PER2: variants seen among roughly 807,000 people sequenced by gnomAD.
The protein encoded by PER2 is period circadian protein homolog 2.
Under a neutral mutation model 121.0 loss-of-function variants are expected in PER2, and 66 were observed. The observed-to-expected ratio is 0.55, with a 90% confidence interval of 0.45 to 0.67. The LOEUF is 0.67. PER2 is among the 30% of genes least tolerant of loss of function. The pLI is 0.00. For synonymous variants in PER2, 684 were observed against 659.9 expected (o/e 1.04, Z -0.56); for missense variants, 1,521 against 1,635.0 (o/e 0.93, Z 1.20).
At position 238,266,646 on chromosome 2, in the gene PER2, CCT is replaced by C. The variant is rs201191862; in HGVS notation, c.968-1058_968-1057del. Among the ~76,000 whole-genome samples, 5 of 152,322 alleles carry C rather than the reference CCT, an allele frequency of 3.3e-5. No individual in the cohort carries two copies. The East Asian group carries it at 9.6e-4, about 29-fold the overall frequency. ...TTGAACTCTAAGTACCCTCTCTAAACCTTACTATTTGGAAAAGAACATTCTGT... is the reference window on the plus strand; with the variant it reads ...TTGAACTCTAAGTACCCTCTCTAAACTACTATTTGGAAAAGAACATTCTGT... On this transcript the variant is annotated intron_variant, in intron 8 of 22. Transcript: ENST00000254657.
rs765414747 is a variant in PER2, at chr2:238,271,495, C to T, written c.589G>A (p.Val197Met). 2.4e-5 allele frequency: 39 copies of T among 1,612,800 alleles called. No individual in the cohort carries two copies. Among genetic ancestry groups the T allele is most frequent in the Middle Eastern group, 1.7e-4 (1 of 6,058 alleles). Residue 197 changes from valine to methionine, a missense_variant, in exon 6 of 23, where the codon GTG (valine) becomes ATG (methionine). Physicochemically the swap from Val to Met is conservative, Grantham distance 21 (BLOSUM62 1). Coordinates refer to ENST00000254657, the MANE Select transcript of PER2 (RefSeq NM_022817.3). ...AGGATCTTCCCAGACACCAGGGACA[C>T]GGCCACCGCAAACATATCCTGAAAA... ...VKNADMFAVA[V>M]SLVSGKILYI...
Position 238,252,324 on chromosome 2 carries a change from C to T in PER2, c.3112-563G>A, listed in dbSNP as rs533994154. Among the ~76,000 whole-genome samples the T allele has an allele frequency of 3.3e-5, 5 of 152,372 alleles. No homozygotes were observed. In the South Asian group the frequency reaches 6.2e-4, roughly 19 times the overall value. On this transcript the variant is annotated intron_variant, in intron 19 of 22. Coordinates refer to ENST00000254657, the MANE Select transcript of PER2 (RefSeq NM_022817.3). The surrounding 1 kb of genome is among the most constrained non-coding windows in gnomAD (Gnocchi z 4.2). ...AGGTCCTCTGGCCAAGGCAGGGAAT[C>T]GCCTGAGGCCTACGGACTGCACTGC...
chr2:238,256,251 G>C lies in PER2; in HGVS notation c.2066-340C>G, dbSNP rs76990116. Among the ~76,000 whole-genome samples the C allele has an allele frequency of 1.1e-3, 160 of 152,270 alleles. 1 individual carries two copies. The East Asian group carries it at 0.03, about 28-fold the overall frequency. On this transcript the variant is annotated intron_variant, in intron 17 of 22. Coordinates refer to ENST00000254657, the MANE Select transcript of PER2 (RefSeq NM_022817.3). ...CCAGAAACTTGGATCAACGTGCTGA[G>C]TCTTTCCGGGTTTGGGACCAGGCAT... is the stretch of plus-strand genomic sequence containing the variant.
chr2:238,297,474 A>G, the PER2 span, among the ~76,000 whole-genome samples: 147,312 of 152,232 alleles, frequency 0.97, 71,303 homozygotes, highest in East Asian at 1. Flanking sequence ...GATTGAAATG[A>G]GATTCCTAAA....
At chr2:238,289,363 C>T (rs1559340248), upstream of PER2, 2 of 152,220 alleles carry the variant, frequency 1.3e-5, no homozygotes, top group African/African-American at 4.8e-5. Context: ...CACCGCCCTG[C>T]AGCAGCTCCG....
intron 5 of PER2, 80 bp downstream of exon 5, chr2:238,272,989 AC>A: frequency 4.4e-6 from 6 of 1,352,402 alleles, no homozygotes; most frequent in African/African-American, 1.4e-5. Context: ...CCTTACAGCC[AC>A]CGGCCGCAGT....
intron 12 of PER2, 69 bp from the exon 13 acceptor site, chr2:238,261,022 A>C (rs1574846914): frequency 1.9e-6 from 3 of 1,569,096 alleles, no homozygotes; most frequent in Non-Finnish European, 2.6e-6. Context: ...GCCCCCTGCC[A>C]ACACACCCTG....
chr2:238,264,360 G>A (rs988195616), intron 9 of PER2, among the ~76,000 whole-genome samples: 8 of 152,208 alleles, frequency 5.3e-5, no homozygotes, highest in African/African-American at 1.2e-4. Flanking sequence ...GCAGCCCCGC[G>A]GACACACCTG....
the PER2 span, chr2:238,295,292 T>TTTCTCCTTCTCC: frequency 2.7e-5 from 4 of 149,482 alleles, no homozygotes; most frequent in Admixed American, 2.0e-4. Flanking sequence ...CTTCTTCTTC[T>TTTCTCCTTCTCC]TTCTCCTTCT....
chr2:238,258,266 G>A lies in PER2; in HGVS notation c.1900+10C>T. 6.2e-7 allele frequency: 1 copy of A among 1,614,046 alleles called. No individual in the cohort carries two copies. The highest frequency in any genetic ancestry group is 8.5e-7 in the Non-Finnish European group (1 of 1,179,892). On this transcript the variant is annotated intron_variant, in intron 16 of 22. Coordinates refer to ENST00000254657, the MANE Select transcript of PER2 (RefSeq NM_022817.3). ...TTTCACATGTACATGGCTCTACACA[G>A]ATTAGATACCTCCAGCGTGTGGCCC...
intron 18 of PER2, chr2:238,255,357 C>T: frequency 2.0e-6 from 1 of 491,028 alleles, no homozygotes; most frequent in South Asian, 2.1e-5. Flanking sequence ...GGGGCCCCTG[C>T]CCACATGGTT....
the PER2 span, among the ~76,000 whole-genome samples, chr2:238,296,766 G>A: frequency 3.8e-4 from 57 of 151,110 alleles, 4 homozygotes; most frequent in African/African-American, 1.3e-3. Flanking sequence ...TGATGACCAC[G>A]GTGTGGCGGC....
At chr2:238,256,575 C>A (rs1375340126) in intron 17 of PER2, among the ~76,000 whole-genome samples, 1 of 152,236 alleles carries the variant, frequency 6.6e-6, no homozygotes. Context: ...GAGGAAAGAA[C>A]CCCAGGCCTG....
chr2:238,283,318 T>TCGCTTCCCC (rs2106330443), intron 1 of PER2, among the ~76,000 whole-genome samples: 1 of 152,344 alleles, frequency 6.6e-6, no homozygotes, highest in African/African-American at 2.4e-5. Flanking sequence ...CAGCAGGGTG[T>TCGCTTCCCC]CGTCTTGTGT....
At position 238,257,142 on chromosome 2, in the gene PER2, G is replaced by C. The variant is rs983053286; in HGVS notation, c.1901-56C>G. 11 of 1,542,486 alleles carry C rather than the reference G, an allele frequency of 7.1e-6. No homozygotes were observed. In the Admixed American group the frequency reaches 1.9e-4, roughly 27 times the overall value. On this transcript the variant is annotated intron_variant, in intron 16 of 22. Coordinates refer to ENST00000254657, the MANE Select transcript of PER2 (RefSeq NM_022817.3). ...GTGTGTCATTACAATGCACTGTGCAGATGAGAAACCGACACCCAAGTGCCC... is the reference window on the plus strand; with the variant it reads ...GTGTGTCATTACAATGCACTGTGCACATGAGAAACCGACACCCAAGTGCCC...
intron 3 of PER2, 51 bp downstream of exon 3, chr2:238,277,080 G>T: frequency 1.5e-6 from 2 of 1,319,652 alleles, no homozygotes; most frequent in South Asian, 1.2e-5. Context: ...CCAATAAGAA[G>T]TCTTTCAATT....
chr2:238,294,852 C>G (rs1219496804), upstream of PER2, among the ~76,000 whole-genome samples: 1 of 152,214 alleles, frequency 6.6e-6, no homozygotes, highest in African/African-American at 2.4e-5. Context: ...TTCTCCCCAC[C>G]CAAAAGCTCC....
chr2:238,273,312 G>A (rs1006972681), intron 4 of PER2, 121 bp from the exon 5 acceptor site: 29 of 1,044,928 alleles, frequency 2.8e-5, no homozygotes, highest in Middle Eastern at 2.1e-4. Flanking sequence ...TATAAATCTC[G>A]TCTTCCTGGG....
At chr2:238,274,758 A>G (rs1696401214) in intron 4 of PER2, among the ~76,000 whole-genome samples, 1 of 152,230 alleles carries the variant, frequency 6.6e-6, no homozygotes, top group Non-Finnish European at 1.5e-5. Context: ...CGGTATCTTT[A>G]GACCTGACCA....
Sources: gnomAD v4.1 joint callset for allele counts (sites outside exome capture counted in the v4.1 genomes callset) on GRCh38, gnomAD v4.1.1 for gene constraint, Gnocchi (gnomAD v3.1) non-coding constraint, MANE v1.5 for transcripts, NCBI Gene and HGNC (gene_info 2026-07-23, HGNC 2026-07-21) for gene names.